Variants in CUX1 observed in about 807,000 individuals in gnomAD.
The protein encoded by CUX1 is cut like homeobox 1.
Under a neutral mutation model 158.8 loss-of-function variants are expected in CUX1, and 31 were observed. The ratio of observed to expected loss-of-function variants is 0.20; its 90% CI spans 0.15 to 0.26. The LOEUF (loss-of-function observed/expected upper bound fraction) is 0.26, where lower values mean the gene tolerates loss of function less well. CUX1 is among the 10% of genes least tolerant of loss of function. The pLI is 1.00. For synonymous variants in CUX1, 879 were observed against 862.1 expected, an observed-to-expected ratio of 1.02 and a Z score of -0.34; for missense variants, 1,589 against 2,014.6, an observed-to-expected ratio of 0.79 and a Z score of 4.04.
At chr7:102,100,011 G>A (rs1013917365) in intron 5 of CUX1, among the ~76,000 whole-genome samples, 4 of 152,124 alleles carry the variant, frequency 2.6e-5, no homozygotes, top group Non-Finnish European at 4.4e-5. Flanking sequence ...CAGGTGCAGC[G>A]ACTCACGCCT....
chr7:102,063,482 G>A (rs191758551), intron 3 of CUX1, among the ~76,000 whole-genome samples: 1 of 130,252 alleles, frequency 7.7e-6, no homozygotes, highest in African/African-American at 2.7e-5. Context: ...GCGGCCTCCC[G>A]AGTTCACGCC....
chr7:102,237,469 A>T (rs1586382222), intron 22 of CUX1, among the ~76,000 whole-genome samples: 2 of 152,096 alleles, frequency 1.3e-5, no homozygotes, highest in African/African-American at 4.8e-5. Flanking sequence ...TTTTTTTGAG[A>T]CAGGGTCTCT....
chr7:102,055,295 A>C (rs1436741248), intron 3 of CUX1, among the ~76,000 whole-genome samples: 4 of 151,986 alleles, frequency 2.6e-5, no homozygotes, highest in African/African-American at 7.3e-5. Flanking sequence ...ACTTTGTTGC[A>C]TTGAGCTCCA....
chr7:101,864,123 A>G lies in CUX1; in HGVS notation c.30+46454A>G, dbSNP rs141322107. Among the ~76,000 whole-genome samples the G allele has an allele frequency of 3.7e-4, 55 of 149,948 alleles. No homozygotes were observed. The East Asian group carries it at 9.6e-3, about 26-fold the overall frequency. On this transcript the variant is annotated intron_variant, in intron 1 of 23. Coordinates refer to ENST00000292535, the MANE Select transcript of CUX1 (RefSeq NM_181552.4). ...CCACCAATGGTGCACAAGGGTTCCA[A>G]TTTCTCCACAGCCTCGCCAGCATTT...
intron 1 of CUX1, among the ~76,000 whole-genome samples, chr7:101,912,906 G>T (rs1200725831): frequency 6.6e-6 from 1 of 152,120 alleles, no homozygotes; most frequent in Non-Finnish European, 1.5e-5. Flanking sequence ...TCTCACACGT[G>T]ACCCGTGACT....
intron 4 of CUX1, among the ~76,000 whole-genome samples, chr7:102,070,760 T>C (rs379347): frequency 0.84 from 127,496 of 152,090 alleles, 53,585 homozygotes; most frequent in East Asian, 0.99. Context: ...GTCCCTCATA[T>C]TGCCCAAAGC....
chr7:101,870,151 TTG>T (rs566829062), intron 1 of CUX1, among the ~76,000 whole-genome samples: 27,890 of 121,820 alleles, frequency 0.23, 3,893 homozygotes, highest in Middle Eastern at 0.26. Flanking sequence ...AGTGTTTTTT[TTG>T]TTTTTTTTTT....
rs1309339400 is a variant in CUX1 at position 101,949,745 on chromosome 7, A to T, written c.141+33520A>T. ...GGAGTTTTGCCATGTTGCCCAGGCC[A>T]GTCTTTGAACTCCTGACCTCAGGTA... is the stretch of plus-strand genomic sequence containing the variant. On this transcript the variant is annotated intron_variant, in intron 2 of 23. Transcript: ENST00000292535. 5.9e-5 allele frequency among the ~76,000 whole-genome samples: 9 copies of T among 151,824 alleles called. No individual in the cohort carries two copies. In the East Asian group the frequency reaches 1.8e-3, roughly 30 times the overall value.
At chr7:101,990,463 G>A (rs758266504) in intron 2 of CUX1, among the ~76,000 whole-genome samples, 23 of 151,914 alleles carry the variant, frequency 1.5e-4, no homozygotes, top group Non-Finnish European at 3.4e-4. Flanking sequence ...TGCAACCTCC[G>A]CCTCCTGGGT....
intron 21 of CUX1, among the ~76,000 whole-genome samples, chr7:102,229,852 C>T (rs1252728339): frequency 1.3e-5 from 2 of 151,968 alleles, no homozygotes; most frequent in Non-Finnish European, 2.9e-5. Flanking sequence ...TGGCCTCTGG[C>T]CTCAGGTGAT....
At chr7:102,203,823 A>G (rs376369049) in intron 18 of CUX1, among the ~76,000 whole-genome samples, 2 of 152,030 alleles carry the variant, frequency 1.3e-5, no homozygotes, top group African/African-American at 4.8e-5. Context: ...CTGCGGCGGA[A>G]TGTCACTCCC....
At chr7:101,867,042 G>A (rs1798004883) in intron 1 of CUX1, among the ~76,000 whole-genome samples, 1 of 152,200 alleles carries the variant, frequency 6.6e-6, no homozygotes, top group African/African-American at 2.4e-5. Context: ...CCAACATGGC[G>A]AAACGCCATC....
chr7:101,909,651 TC>T (rs1364816105), intron 1 of CUX1, among the ~76,000 whole-genome samples: 2 of 152,176 alleles, frequency 1.3e-5, no homozygotes, highest in African/African-American at 4.8e-5. Flanking sequence ...TGACAGATAA[TC>T]CCCCAAGAAA....
intron 6 of CUX1, among the ~76,000 whole-genome samples, chr7:102,110,588 G>A (rs1422153686): frequency 3.9e-5 from 6 of 152,026 alleles, no homozygotes; most frequent in Non-Finnish European, 5.9e-5. Context: ...AGTGTGTTAC[G>A]TATTAGTTCA....
chr7:101,986,243 T>C (rs1814282049), intron 2 of CUX1, among the ~76,000 whole-genome samples: 1 of 152,244 alleles, frequency 6.6e-6, no homozygotes, highest in Non-Finnish European at 1.5e-5. Flanking sequence ...CATATTTTTG[T>C]CACATTTCAT....
intron 2 of CUX1, among the ~76,000 whole-genome samples, chr7:101,979,083 C>T (rs1813087949): frequency 6.6e-6 from 1 of 152,148 alleles, no homozygotes; most frequent in Admixed American, 6.6e-5. Context: ...CCAAGAGTGT[C>T]CATTTAATGA....
chr7:102,006,372 C>T (rs903786423), intron 2 of CUX1, among the ~76,000 whole-genome samples: 2 of 152,092 alleles, frequency 1.3e-5, no homozygotes, highest in Non-Finnish European at 2.9e-5. Flanking sequence ...TATCTCATCT[C>T]GGTAGAATGG....
At chr7:102,130,332 A>G (rs1833077607) in intron 8 of CUX1, among the ~76,000 whole-genome samples, 1 of 152,194 alleles carries the variant, frequency 6.6e-6, no homozygotes, top group Non-Finnish European at 1.5e-5. Flanking sequence ...TAACCCCCAC[A>G]TGACCACAGC....
At chr7:102,065,517 A>T (rs1198002296) in intron 3 of CUX1, among the ~76,000 whole-genome samples, 1 of 152,170 alleles carries the variant, frequency 6.6e-6, no homozygotes, top group Non-Finnish European at 1.5e-5. Context: ...TTGTCTGCGG[A>T]GCGGAGGGGA....
Sources: allele counts gnomAD v4.1 joint callset (sites outside exome capture counted in the v4.1 genomes callset), GRCh38; gene constraint gnomAD v4.1.1; transcripts MANE v1.5; gene names NCBI Gene and HGNC (gene_info 2026-07-23, HGNC 2026-07-21).